Variants in NKAIN3 observed in about 807,000 individuals in gnomAD.
The protein encoded by NKAIN3 is sodium/potassium-transporting ATPase subunit beta-1-interacting protein 3.
A neutral mutation model predicts 30.2 loss-of-function variants in NKAIN3; 25 were observed. The ratio of observed to expected loss-of-function variants is 0.83; its 90% CI spans 0.60 to 1.16. The LOEUF (loss-of-function observed/expected upper bound fraction) is 1.16, where lower values mean the gene tolerates loss of function less well. Ranked by LOEUF, NKAIN3 falls within the 50% of genes most tolerant of loss-of-function variation. NKAIN3 has a pLI of 0.00. For synonymous variants in NKAIN3, 91 were observed against 89.6 expected (o/e 1.02, Z -0.09); for missense variants, 225 against 254.1 (o/e 0.89, Z 0.78).
At chr8:62,914,585 C>T (rs1822024576) in intron 4 of NKAIN3, among the ~76,000 whole-genome samples, 1 of 152,100 alleles carries the variant, frequency 6.6e-6, no homozygotes, top group African/African-American at 2.4e-5. Flanking sequence ...TGTACAAACA[C>T]CAGATTGATG....
intron 4 of NKAIN3, among the ~76,000 whole-genome samples, chr8:62,869,197 A>T (rs1341383094): frequency 6.6e-6 from 1 of 152,180 alleles, no homozygotes; most frequent in East Asian, 1.9e-4. Context: ...CTCAACGTGC[A>T]GGTTTGTTAT....
chr8:62,435,598 C>A (rs1350244954), intron 1 of NKAIN3, among the ~76,000 whole-genome samples: 1 of 152,142 alleles, frequency 6.6e-6, no homozygotes, highest in Admixed American at 6.6e-5. Context: ...TAGTCACATT[C>A]ATGCCTGTGA....
At chr8:62,353,535 A>G (rs1816247458) in intron 1 of NKAIN3, among the ~76,000 whole-genome samples, 1 of 152,168 alleles carries the variant, frequency 6.6e-6, no homozygotes, top group Non-Finnish European at 1.5e-5. Flanking sequence ...ATGGTATATT[A>G]TCTGTTTTTT....
At chr8:62,499,774 A>T (rs146780306) in intron 1 of NKAIN3, among the ~76,000 whole-genome samples, 7 of 152,098 alleles carry the variant, frequency 4.6e-5, no homozygotes, top group South Asian at 2.1e-4. Context: ...ACCAGAGATT[A>T]AAAAAGTACT....
At position 62,930,347 on chromosome 8, in the gene NKAIN3, C is replaced by T. The variant is rs140383977; in HGVS notation, c.532+11834C>T. 2.9e-3 allele frequency among the ~76,000 whole-genome samples: 442 copies of T among 152,048 alleles called. 6 individuals are homozygous for T. Among genetic ancestry groups the T allele is most frequent in the Middle Eastern group, 6.8e-3 (2 of 294 alleles). On this transcript the variant is annotated intron_variant, in intron 5 of 6. Coordinates refer to ENST00000623646, the MANE Select transcript of NKAIN3 (RefSeq NM_001304533.3). ...TAGCTCACTGCAACCTCCGCCTCTC[C>T]GGTTCAAACAATTCTCCTGCCTCAG...
At chr8:62,796,383 CAAAAAAAAAAAAAA>C (rs71255362) in intron 4 of NKAIN3, among the ~76,000 whole-genome samples, 6 of 53,740 alleles carry the variant, frequency 1.1e-4, no homozygotes, top group South Asian at 1.2e-3. Flanking sequence ...GACTCTGTCT[CAAAAAAAAAAAAAA>C]AAAAAAAAAA....
At chr8:62,607,633 T>C (rs1811168550) in intron 3 of NKAIN3, among the ~76,000 whole-genome samples, 1 of 152,170 alleles carries the variant, frequency 6.6e-6, no homozygotes, top group Admixed American at 6.6e-5. Flanking sequence ...TTTATTAGTG[T>C]AATTTCTTTC....
intron 1 of NKAIN3, among the ~76,000 whole-genome samples, chr8:62,462,710 G>GA (rs1806035266): frequency 6.6e-6 from 1 of 152,056 alleles, no homozygotes. Flanking sequence ...CTTTACAAAA[G>GA]AAAAAGGATC....
intron 1 of NKAIN3, among the ~76,000 whole-genome samples, chr8:62,494,043 A>G (rs556183468): frequency 2.0e-5 from 3 of 152,242 alleles, no homozygotes; most frequent in Non-Finnish European, 2.9e-5. Context: ...TGCTCTGGCC[A>G]CGACTTCCAA....
intron 1 of NKAIN3, among the ~76,000 whole-genome samples, chr8:62,556,626 A>G (rs1809399794): frequency 6.6e-6 from 1 of 151,930 alleles, no homozygotes; most frequent in Admixed American, 6.6e-5. Flanking sequence ...TTAATCAAAT[A>G]CTAAAGCAAA....
chr8:62,456,796 A>G (rs1805835488), intron 1 of NKAIN3, among the ~76,000 whole-genome samples: 1 of 152,222 alleles, frequency 6.6e-6, no homozygotes, highest in Non-Finnish European at 1.5e-5. Context: ...TCTTAACCAA[A>G]TTTTAAAAAT....
At position 62,969,912 on chromosome 8, in the gene NKAIN3, T is replaced by C. The variant is rs563782891; in HGVS notation, c.*4505T>C. On this transcript the variant is annotated 3_prime_UTR_variant, in exon 7 of 7. Transcript: ENST00000623646. The stretch of plus-strand genomic sequence containing the variant: ...GTGAACAATTTAGAAAGGGAACAGA[T>C]GACCAGACACAGTGGCTCATGCCTG... Among the ~76,000 whole-genome samples the C allele has an allele frequency of 8.5e-5, 13 of 152,200 alleles. No individual in the cohort carries two copies. The South Asian group carries it at 1.7e-3, about 19-fold the overall frequency.
intron 4 of NKAIN3, among the ~76,000 whole-genome samples, chr8:62,838,007 A>G (rs1336085944): frequency 6.6e-6 from 1 of 151,876 alleles, no homozygotes; most frequent in African/African-American, 2.4e-5. Flanking sequence ...GTAAGGATAA[A>G]CTCTTTTAAT....
Position 62,478,994 on chromosome 8 carries a change from T to C in NKAIN3, c.55-100545T>C, listed in dbSNP as rs139722833. The stretch of plus-strand genomic sequence containing the variant: ...AGCATAAAGCTTTATGGCATTCACC[T>C]GGGGAGTAGGCAGGGCCTCCACTCC... On this transcript the variant is annotated intron_variant, in intron 1 of 6. Coordinates refer to ENST00000623646, the MANE Select transcript of NKAIN3 (RefSeq NM_001304533.3). 1.8e-3 allele frequency among the ~76,000 whole-genome samples: 267 copies of C among 152,228 alleles called. 2 individuals carry two copies. Among genetic ancestry groups the C allele is most frequent in the African/African-American group, 6.1e-3 (255 of 41,560 alleles).
chr8:62,486,874 TA>T (rs1806920084), intron 1 of NKAIN3, among the ~76,000 whole-genome samples: 1 of 152,160 alleles, frequency 6.6e-6, no homozygotes, highest in Non-Finnish European at 1.5e-5. Context: ...GCATTTAAAA[TA>T]TGGTTGAAGC....
rs370034496 is a variant in NKAIN3, at chr8:62,747,145, G to A, written c.471+16G>A. 5 of 1,544,452 alleles carry A rather than the reference G, an allele frequency of 3.2e-6. No individual in the cohort carries two copies. In the African/African-American group the frequency reaches 5.4e-5, roughly 17 times the overall value. On this transcript the variant is annotated intron_variant, in intron 4 of 6. Transcript: ENST00000623646. ...ACTACTCTCTGTAAGTGTCACTTTT[G>A]TGTCATTATCTAATCAGAACTCTTC...
chr8:62,876,141 A>G (rs1480703146), intron 4 of NKAIN3, among the ~76,000 whole-genome samples: 2 of 152,132 alleles, frequency 1.3e-5, no homozygotes, highest in Non-Finnish European at 2.9e-5. Context: ...GAAACAAACA[A>G]CCCCATCAAA....
chr8:62,679,788 C>T (rs576665240), intron 3 of NKAIN3, among the ~76,000 whole-genome samples: 1 of 152,278 alleles, frequency 6.6e-6, no homozygotes, highest in South Asian at 2.1e-4. Context: ...AGAAAAACCT[C>T]ATGATCTAAT....
At chr8:62,863,707 C>G in intron 4 of NKAIN3, 1 of 1,523,312 alleles carries the variant, frequency 6.6e-7, no homozygotes, top group South Asian at 1.1e-5. Context: ...CTGTATCACG[C>G]TGAGCACTTT....
Sources: gnomAD v4.1 joint callset for allele counts (sites outside exome capture counted in the v4.1 genomes callset) on GRCh38, gnomAD v4.1.1 for gene constraint, MANE v1.5 for transcripts, NCBI Gene and HGNC (gene_info 2026-07-23, HGNC 2026-07-21) for gene names.